ZNF532: variants seen among roughly 807,000 people sequenced by gnomAD.
The protein encoded by ZNF532 is zinc finger protein 532.
ZNF532 carries 22 observed loss-of-function variants against 89.3 expected under a neutral mutation model. The observed-to-expected ratio is 0.25, with a 90% CI of 0.18 to 0.35. The LOEUF is 0.35. Among genes scored for constraint, ZNF532 ranks in the 10% least tolerant of loss-of-function variants. The probability of loss-of-function intolerance (pLI) is 1.00; values close to 1 mark genes in which losing one functional copy is unlikely to be tolerated. For missense variants in ZNF532, 1,132 were observed against 1,643.4 expected, an observed-to-expected ratio of 0.69 and a Z score of 5.38; for synonymous variants, 606 against 649.6, an observed-to-expected ratio of 0.93 and a Z score of 1.02.
chr18:58,981,304 C>A (rs892840012), intron 8 of ZNF532, 166 bp from the exon 9 acceptor site: 1 of 802,796 alleles, frequency 1.2e-6, no homozygotes, highest in Non-Finnish European at 2.0e-6. Context: ...AAATTAAGGG[C>A]CACTCCTAGC....
intron 2 of ZNF532, among the ~76,000 whole-genome samples, chr18:58,875,547 T>G (rs1458384161): frequency 2.0e-5 from 3 of 152,242 alleles, no homozygotes; most frequent in Non-Finnish European, 4.4e-5. Context: ...CAGGTGTTCC[T>G]AATTCACCTG....
chr18:58,867,378 G>T (rs2056568767), intron 2 of ZNF532, among the ~76,000 whole-genome samples: 1 of 152,208 alleles, frequency 6.6e-6, no homozygotes, highest in East Asian at 1.9e-4. Flanking sequence ...AGCTGCAAAT[G>T]CTGCTGAGGG....
intron 2 of ZNF532, among the ~76,000 whole-genome samples, chr18:58,916,927 C>T (rs535250253): frequency 5.9e-5 from 9 of 152,184 alleles, no homozygotes; most frequent in African/African-American, 2.2e-4. Context: ...AAGGAGGCAA[C>T]GTGTCAGGGA....
intron 7 of ZNF532, among the ~76,000 whole-genome samples, chr18:58,978,840 AAAT>A (rs2067364395): frequency 6.6e-6 from 1 of 152,162 alleles, no homozygotes; most frequent in Admixed American, 6.5e-5. Context: ...GACTTTTATA[AAAT>A]AATTTTAATT....
At chr18:58,949,108 G>A (rs943003330) in intron 6 of ZNF532, among the ~76,000 whole-genome samples, 1 of 151,866 alleles carries the variant, frequency 6.6e-6, no homozygotes, top group Non-Finnish European at 1.5e-5. Context: ...CCTGGCACCT[G>A]GTGGTGTTCA....
Position 58,920,475 on chromosome 18 carries a change from G to A in ZNF532, c.2188G>A (p.Ala730Thr), listed in dbSNP as rs762352178. 3 of 1,613,850 alleles carry A rather than the reference G, an allele frequency of 1.9e-6. No homozygotes were observed. Among genetic ancestry groups the A allele is most frequent in the Admixed American group, 1.7e-5 (1 of 60,002 alleles). The change falls in exon 3 of 10, where the codon GCT becomes ACT. Residue 730 changes from alanine (A) to threonine (T), a missense_variant. Coordinates refer to ENST00000591808, the MANE Select transcript of ZNF532 (RefSeq NM_001375912.1). ...QSGITGTVISAPSSTPITPAM... is the reference protein window; with the variant it reads ...QSGITGTVISTPSSTPITPAM... The stretch of plus-strand genomic sequence containing the variant: ...TGGCATAACTGGGACAGTCATATCG[G>A]CTCCTTCAAGCACTCCCATCACCCC...
intron 2 of ZNF532, among the ~76,000 whole-genome samples, chr18:58,893,933 T>C (rs2059081117): frequency 6.6e-6 from 1 of 152,168 alleles, no homozygotes; most frequent in Non-Finnish European, 1.5e-5. Context: ...TCATTGTGGC[T>C]CTTTGCTTGT....
intron 2 of ZNF532, among the ~76,000 whole-genome samples, chr18:58,906,397 C>T (rs1302307071): frequency 6.6e-6 from 1 of 152,084 alleles, no homozygotes; most frequent in Non-Finnish European, 1.5e-5. Context: ...TTCTATGTCC[C>T]TTTGACACGC....
rs550832076 is a variant in ZNF532, at chr18:58,914,204, C to T, written c.-17-4067C>T. ...TTGAGTAGGAAAGGAAATGTTTTGT[C>T]TCTGTGTCATACGAGAAAATAAAGT... is the stretch of plus-strand genomic sequence containing the variant. On this transcript the variant is annotated intron_variant, in intron 2 of 9. Coordinates refer to ENST00000591808, the MANE Select transcript of ZNF532 (RefSeq NM_001375912.1). Among the ~76,000 whole-genome samples the T allele has an allele frequency of 2.6e-4, 39 of 152,256 alleles. 1 individual carries two copies. Among genetic ancestry groups the T allele is most frequent in the Middle Eastern group, 3.4e-3 (1 of 294 alleles).
chr18:58,910,964 G>A (rs967503563), intron 2 of ZNF532, among the ~76,000 whole-genome samples: 1 of 151,626 alleles, frequency 6.6e-6, no homozygotes, highest in African/African-American at 2.4e-5. Context: ...CTGTAGCCTC[G>A]ACTTACTGGG....
At chr18:58,881,322 G>A (rs1811995069) in intron 2 of ZNF532, among the ~76,000 whole-genome samples, 1 of 151,960 alleles carries the variant, frequency 6.6e-6, no homozygotes, top group Non-Finnish European at 1.5e-5. Flanking sequence ...TAGTAGAGAC[G>A]ACGGGGTTTC....
intron 6 of ZNF532, among the ~76,000 whole-genome samples, chr18:58,952,551 T>C (rs1260020459): frequency 6.6e-6 from 1 of 152,136 alleles, no homozygotes; most frequent in Non-Finnish European, 1.5e-5. Flanking sequence ...ACTTCAGGCA[T>C]GCACCACTAT....
chr18:58,948,202 G>A lies in ZNF532; in HGVS notation c.2841G>A (p.Gln947=). 1 of 1,613,084 alleles carries A rather than the reference G, an allele frequency of 6.2e-7. No homozygotes were observed. Among genetic ancestry groups the A allele is most frequent in the East Asian group, 2.2e-5 (1 of 44,878 alleles). The change falls in exon 6 of 10, where the codon CAG becomes CAA. Residue 947 remains glutamine (Q), a synonymous_variant. Transcript: ENST00000591808. ...KCPDCSLLYA[Q]KQLMMDHIKS... ...CAGACTGTTCTCTTTTATATGCACAGAAGCAACTTATGATGGACCATATCA... is the reference window on the plus strand; with the variant it reads ...CAGACTGTTCTCTTTTATATGCACAAAAGCAACTTATGATGGACCATATCA...
chr18:58,939,824 A>G (rs1414906515), intron 5 of ZNF532: 4 of 419,968 alleles, frequency 9.5e-6, no homozygotes, highest in Non-Finnish European at 1.7e-5. Flanking sequence ...CAAAAACGTT[A>G]CCTATTATTT....
chr18:58,982,300 TTTTG>T (rs2067888226), intron 9 of ZNF532, among the ~76,000 whole-genome samples: 1 of 151,548 alleles, frequency 6.6e-6, no homozygotes, highest in Non-Finnish European at 1.5e-5. Context: ...GCAGGACTTT[TTTTG>T]TTTTTTTGAG....
Position 58,918,769 on chromosome 18 carries a change from C to T in ZNF532, c.482C>T (p.Ser161Leu), listed in dbSNP as rs138030761. ...DKEDMRSSFRSNVLTGSAPQQ... is the reference protein window; with the variant it reads ...DKEDMRSSFRLNVLTGSAPQQ... ...GAGGACATGCGATCAAGCTTCAGGTCGAATGTGTTGACGGGGTCGGCTCCC... is the reference window on the plus strand; with the variant it reads ...GAGGACATGCGATCAAGCTTCAGGTTGAATGTGTTGACGGGGTCGGCTCCC... The change falls in exon 3 of 10, where the codon TCG (serine) becomes TTG (leucine). Residue 161 changes from serine to leucine, a missense_variant. Around this residue, in one of 9 missense-constraint regions of ZNF532, gnomAD observed 302 missense variants for 319.8 expected, o/e 0.94. Transcript: ENST00000591808. 1.2e-5 allele frequency: 20 copies of T among 1,613,910 alleles called. No individual in the cohort carries two copies. Among genetic ancestry groups the T allele is most frequent in the East Asian group, 6.7e-5 (3 of 44,892 alleles).
In ZNF532 at chr18:58,894,958, G is replaced by A. The variant is rs571360034; in HGVS notation, c.-17-23313G>A. Among the ~76,000 whole-genome samples the A allele has an allele frequency of 3.5e-3, 533 of 152,300 alleles. 2 individuals are homozygous for A. Among genetic ancestry groups the A allele is most frequent in the African/African-American group, 0.012 (482 of 41,570 alleles). ...CCTGGGCAACATAGGCCTTGTCTCTGTAGTTTAGAAGAAAAAGCATTGTGG... is the reference window on the plus strand; with the variant it reads ...CCTGGGCAACATAGGCCTTGTCTCTATAGTTTAGAAGAAAAAGCATTGTGG... On this transcript the variant is annotated intron_variant, in intron 2 of 9. Coordinates refer to ENST00000591808, the MANE Select transcript of ZNF532 (RefSeq NM_001375912.1).
chr18:58,916,744 G>T, intron 2 of ZNF532: 1 of 985,068 alleles, frequency 1.0e-6, no homozygotes. Context: ...AATATACTGA[G>T]GGTCTTAGCA....
Position 58,919,366 on chromosome 18 carries a change from A to G in ZNF532, c.1079A>G (p.Lys360Arg). Reference sequence around the variant, plus strand: ...GCAGGGTCCACACCAGCAATCCCCAAAGTCCGCATAAAAACCATTAAGACA... The same window carrying G: ...GCAGGGTCCACACCAGCAATCCCCAGAGTCCGCATAAAAACCATTAAGACA... ...SPAGSTPAIP[K>R]VRIKTIKTSS... Residue 360 changes from lysine to arginine, a missense_variant, in exon 3 of 10, where the codon AAA (lysine) becomes AGA (arginine). This residue lies in a region of ZNF532 where 124 missense variants were observed against 191.6 expected (regional missense o/e 0.65). Transcript: ENST00000591808. The surrounding 1 kb of genome is among the most constrained non-coding windows in gnomAD (Gnocchi z 6.1). The G allele has an allele frequency of 6.2e-7, 1 of 1,614,164 alleles. No individual in the cohort carries two copies. Among genetic ancestry groups the G allele is most frequent in the South Asian group, 1.1e-5 (1 of 91,076 alleles).
Sources: allele counts gnomAD v4.1 joint callset (sites outside exome capture counted in the v4.1 genomes callset), GRCh38; gene constraint gnomAD v4.1.1; regional missense constraint gnomAD v4.1.1; non-coding constraint Gnocchi (gnomAD v3.1); transcripts MANE v1.5; gene names NCBI Gene and HGNC (gene_info 2026-07-23, HGNC 2026-07-21).